The following MACROD2 variants were observed in gnomAD, a reference collection of about 807,000 sequenced individuals.
MACROD2 encodes mono-ADP ribosylhydrolase 2.
In MACROD2, 36 loss-of-function variants were observed where a neutral mutation model predicts 70.4. The ratio of observed to expected loss-of-function variants is 0.51; its 90% CI spans 0.39 to 0.68. MACROD2 has a LOEUF of 0.68. Ranked by LOEUF, MACROD2 falls within the 30% of genes least tolerant of loss-of-function variation. The pLI is 0.00. For synonymous variants in MACROD2, 172 were observed against 178.8 expected (o/e 0.96, Z 0.30); for missense variants, 496 against 538.4 (o/e 0.92, Z 0.78).
chr20:14,420,571 G>A (rs2083864066), intron 3 of MACROD2, among the ~76,000 whole-genome samples: 1 of 152,026 alleles, frequency 6.6e-6, no homozygotes, highest in Non-Finnish European at 1.5e-5. Context: ...TGAGCTGTTT[G>A]TTTTTCATTG....
chr20:15,531,041 T>G (rs2047792126), intron 8 of MACROD2, among the ~76,000 whole-genome samples: 1 of 150,110 alleles, frequency 6.7e-6, no homozygotes, highest in South Asian at 2.1e-4. Context: ...TGTACATCGA[T>G]GAGTTAAAGC....
chr20:14,558,133 C>A (rs1160232701), intron 4 of MACROD2, among the ~76,000 whole-genome samples: 1 of 151,622 alleles, frequency 6.6e-6, no homozygotes, highest in Non-Finnish European at 1.5e-5. Context: ...TTGTATGATT[C>A]CATTTATATG....
intron 10 of MACROD2, among the ~76,000 whole-genome samples, chr20:15,912,580 A>G (rs1384268954): frequency 6.6e-6 from 1 of 152,216 alleles, no homozygotes; most frequent in Admixed American, 6.5e-5. Flanking sequence ...TGTATTTCCA[A>G]ATATGAATCT....
intron 4 of MACROD2, among the ~76,000 whole-genome samples, chr20:14,667,494 T>C (rs2070748196): frequency 6.6e-6 from 1 of 152,184 alleles, no homozygotes. Flanking sequence ...TTTGTACTTT[T>C]TATTTCATAA....
intron 4 of MACROD2, among the ~76,000 whole-genome samples, chr20:14,498,109 T>G (rs2084874556): frequency 1.3e-5 from 2 of 151,726 alleles, no homozygotes; most frequent in Non-Finnish European, 2.9e-5. Context: ...ATTATGCTTG[T>G]CTGTTATTAA....
Position 14,447,976 on chromosome 20 carries a change from A to ATGTGTGTGTG in MACROD2, c.272-45481_272-45472dup, listed in dbSNP as rs11087090. Among the ~76,000 whole-genome samples, 791 of 143,216 alleles carry ATGTGTGTGTG rather than the reference A, an allele frequency of 5.5e-3. 9 individuals are homozygous for ATGTGTGTGTG. The highest frequency in any genetic ancestry group is 0.011 in the Middle Eastern group (3 of 284). 94.0% of individuals were successfully genotyped at this position (143,216 alleles called of 152,430 possible). The stretch of plus-strand genomic sequence containing the variant: ...GAAGAGCACTTGAGAACCCATGAAA[A>ATGTGTGTGTG]TGTGTGTGTGTGTGTGTGTGTGTGT... On this transcript the variant is annotated intron_variant, in intron 3 of 17. Coordinates refer to ENST00000684519, the MANE Select transcript of MACROD2 (RefSeq NM_001351661.2).
chr20:14,456,545 C>T (rs895362913), intron 3 of MACROD2, among the ~76,000 whole-genome samples: 3 of 151,684 alleles, frequency 2.0e-5, no homozygotes, highest in Non-Finnish European at 2.9e-5. Context: ...TCTGTTTACA[C>T]TTAGACATTT....
chr20:14,140,238 C>T (rs909565113), intron 3 of MACROD2, among the ~76,000 whole-genome samples: 1 of 152,174 alleles, frequency 6.6e-6, no homozygotes, highest in African/African-American at 2.4e-5. Flanking sequence ...TCTAGGTAAA[C>T]TCTGGCTTTC....
chr20:15,856,933 T>G (rs1040700507), intron 8 of MACROD2, among the ~76,000 whole-genome samples: 1 of 152,084 alleles, frequency 6.6e-6, no homozygotes, highest in African/African-American at 2.4e-5. Flanking sequence ...AAAGAAGTAA[T>G]TGGAATTTGA....
At chr20:14,565,893 C>G (rs547867577) in intron 4 of MACROD2, among the ~76,000 whole-genome samples, 2 of 151,950 alleles carry the variant, frequency 1.3e-5, no homozygotes, top group Non-Finnish European at 2.9e-5. Flanking sequence ...CTTTTTACCC[C>G]TAAGACCTAG....
At chr20:14,188,155 G>A (rs6079343) in intron 3 of MACROD2, among the ~76,000 whole-genome samples, 151,305 of 152,272 alleles carry the variant, frequency 0.99, 75,180 homozygotes, top group East Asian at 1. Context: ...GACCACTTGC[G>A]TTGAAATCAC....
At chr20:14,350,142 A>G (rs2083108972) in intron 3 of MACROD2, among the ~76,000 whole-genome samples, 1 of 152,114 alleles carries the variant, frequency 6.6e-6, no homozygotes, top group Non-Finnish European at 1.5e-5. Context: ...ATGAACTCTT[A>G]GGTTGCTTCC....
intron 3 of MACROD2, among the ~76,000 whole-genome samples, chr20:14,309,200 C>G (rs568091831): frequency 6.7e-4 from 102 of 152,152 alleles, no homozygotes; most frequent in African/African-American, 2.3e-3. Context: ...GAGGATTACC[C>G]AAGACCGAGG....
At chr20:14,619,108 G>C (rs992098696) in intron 4 of MACROD2, among the ~76,000 whole-genome samples, 2 of 151,862 alleles carry the variant, frequency 1.3e-5, no homozygotes, top group African/African-American at 4.8e-5. Context: ...ACTATGTAAA[G>C]ATATCATTAT....
intron 6 of MACROD2, among the ~76,000 whole-genome samples, chr20:15,321,896 A>G (rs2077877269): frequency 2.1e-5 from 3 of 143,522 alleles, no homozygotes; most frequent in African/African-American, 7.4e-5. Flanking sequence ...GGGTTCAAGT[A>G]ATTCTCCTAC....
At chr20:15,325,446 C>T (rs2077918558) in intron 6 of MACROD2, among the ~76,000 whole-genome samples, 1 of 152,066 alleles carries the variant, frequency 6.6e-6, no homozygotes, top group African/African-American at 2.4e-5. Context: ...TTAAAGTTTG[C>T]CTTCTCATAT....
At chr20:14,772,600 A>C (rs2072183180) in intron 5 of MACROD2, among the ~76,000 whole-genome samples, 2 of 152,058 alleles carry the variant, frequency 1.3e-5, no homozygotes, top group Admixed American at 6.6e-5. Context: ...GTCATCTTCC[A>C]CTGAGTCCCT....
intron 5 of MACROD2, among the ~76,000 whole-genome samples, chr20:15,132,065 A>C (rs1237755608): frequency 1.3e-5 from 2 of 152,046 alleles, no homozygotes; most frequent in Non-Finnish European, 2.9e-5. Context: ...ATAAAACTAA[A>C]ATTCATAATA....
intron 8 of MACROD2, among the ~76,000 whole-genome samples, chr20:15,715,070 G>C (rs1352238576): frequency 6.6e-6 from 1 of 152,110 alleles, no homozygotes; most frequent in South Asian, 2.1e-4. Flanking sequence ...TGTTTAGGAA[G>C]CAATACCAAG....
Sources: gnomAD v4.1 joint callset for allele counts (sites outside exome capture counted in the v4.1 genomes callset) on GRCh38, gnomAD v4.1.1 for gene constraint, MANE v1.5 for transcripts, NCBI Gene and HGNC (gene_info 2026-07-23, HGNC 2026-07-21) for gene names.